BTBD10: variants seen among roughly 807,000 people sequenced by gnomAD.
BTBD10 encodes BTB domain containing 10.
A neutral mutation model predicts 53.2 loss-of-function variants in BTBD10; 21 were observed. That is an observed-to-expected ratio of 0.39 (90% CI 0.28 to 0.57). The LOEUF (loss-of-function observed/expected upper bound fraction) is 0.57. BTBD10 is among the 20% of genes least tolerant of loss of function. The pLI, the probability that BTBD10 is intolerant of heterozygous loss-of-function variation, is 0.53. For missense variants in BTBD10, 360 were observed against 594.7 expected, an observed-to-expected ratio of 0.61 and a Z score of 4.10; for synonymous variants, 149 against 192.7, an observed-to-expected ratio of 0.77 and a Z score of 1.88.
chr11:13,408,709 T>C (rs899942414), intron 6 of BTBD10, among the ~76,000 whole-genome samples: 12 of 152,188 alleles, frequency 7.9e-5, no homozygotes, highest in African/African-American at 2.9e-4. Flanking sequence ...CCACATTCAA[T>C]TGAAGAGGAA....
intron 2 of BTBD10, among the ~76,000 whole-genome samples, chr11:13,437,763 G>A (rs1565262361): frequency 6.6e-6 from 1 of 152,132 alleles, no homozygotes; most frequent in Non-Finnish European, 1.5e-5. Flanking sequence ...AGTCATAAAT[G>A]AGTCCTTTCC....
intron 2 of BTBD10, among the ~76,000 whole-genome samples, chr11:13,430,009 G>A (rs556505550): frequency 1.1e-3 from 163 of 152,060 alleles, no homozygotes; most frequent in Non-Finnish European, 2.0e-3. Flanking sequence ...GAGAGGCTGA[G>A]GTGGGAGTAT....
intron 4 of BTBD10, among the ~76,000 whole-genome samples, chr11:13,418,565 GATTT>G (rs1443999066): frequency 6.6e-6 from 1 of 151,944 alleles, no homozygotes; most frequent in Admixed American, 6.5e-5. Flanking sequence ...ATAGTTCAAA[GATTT>G]TTTTTCATGA....
At chr11:13,402,879 A>T (rs1200385646) in intron 8 of BTBD10, among the ~76,000 whole-genome samples, 1 of 152,170 alleles carries the variant, frequency 6.6e-6, no homozygotes, top group Non-Finnish European at 1.5e-5. Context: ...GTCCACACAC[A>T]CCACATGGGC....
At chr11:13,449,446 AG>A (rs750895764) in intron 1 of BTBD10, among the ~76,000 whole-genome samples, 6 of 152,122 alleles carry the variant, frequency 3.9e-5, no homozygotes, top group Admixed American at 2.0e-4. Flanking sequence ...GCACCAAGCA[AG>A]GTATATAAAA....
chr11:13,446,088 T>C (rs1950745525), intron 1 of BTBD10, among the ~76,000 whole-genome samples: 1 of 152,162 alleles, frequency 6.6e-6, no homozygotes, highest in African/African-American at 2.4e-5. Flanking sequence ...AAGTATTTGT[T>C]TGGAAATAGA....
chr11:13,440,245 G>A, intron 2 of BTBD10: 2 of 1,268,414 alleles, frequency 1.6e-6, no homozygotes, highest in South Asian at 1.6e-5. Flanking sequence ...CGTGGGTTGT[G>A]CAGCACTGAC....
At chr11:13,428,585 T>C (rs1401720953) in intron 2 of BTBD10, among the ~76,000 whole-genome samples, 2 of 151,548 alleles carry the variant, frequency 1.3e-5, no homozygotes, top group Admixed American at 1.3e-4. Flanking sequence ...TGGAAAAAAA[T>C]ATTACAAGAA....
At chr11:13,396,285 T>C (rs2135743035) in intron 8 of BTBD10, among the ~76,000 whole-genome samples, 1 of 152,340 alleles carries the variant, frequency 6.6e-6, no homozygotes, top group African/African-American at 2.4e-5. Flanking sequence ...CTAGGTATTT[T>C]ACTCTCTTTG....
intron 1 of BTBD10, among the ~76,000 whole-genome samples, chr11:13,456,533 C>G (rs1950971885): frequency 6.6e-6 from 1 of 152,148 alleles, no homozygotes; most frequent in Non-Finnish European, 1.5e-5. Context: ...AAAGCCTTTC[C>G]TATTTGCCTA....
At position 13,388,523 on chromosome 11, in the gene BTBD10, C is replaced by A; in HGVS notation, c.*308G>T. 4.0e-6 allele frequency: 1 copy of A among 248,952 alleles called. No individual in the cohort carries two copies. Among genetic ancestry groups the A allele is most frequent in the African/African-American group, 2.2e-5 (1 of 45,894 alleles). The allele number at this position is 248,952 out of a possible 1,614,324, so 15.4% of individuals were successfully genotyped here. ...GTCCAAACTGAAAGTACCCCAGCTG[C>A]CAATTTCCACCACTTCTGAAAAGAC... is the stretch of plus-strand genomic sequence containing the variant. On this transcript the variant is annotated 3_prime_UTR_variant, in exon 9 of 9. Coordinates refer to ENST00000278174, the MANE Select transcript of BTBD10 (RefSeq NM_032320.7).
chr11:13,460,145 G>A (rs564707478), intron 1 of BTBD10, among the ~76,000 whole-genome samples: 1 of 152,142 alleles, frequency 6.6e-6, no homozygotes, highest in Non-Finnish European at 1.5e-5. Flanking sequence ...AGATGACTGA[G>A]CTAAAATGAA....
chr11:13,399,449 TA>T (rs1471185093), intron 8 of BTBD10, among the ~76,000 whole-genome samples: 1 of 152,196 alleles, frequency 6.6e-6, no homozygotes, highest in Non-Finnish European at 1.5e-5. Context: ...GCCATTCGTC[TA>T]ATTTTTTTTC....
At chr11:13,395,327 T>A (rs1460725313) in intron 8 of BTBD10, among the ~76,000 whole-genome samples, 1 of 152,222 alleles carries the variant, frequency 6.6e-6, no homozygotes, top group Non-Finnish European at 1.5e-5. Flanking sequence ...GTTTTTTGGC[T>A]GCATAAATGT....
rs1226083147 is a variant in BTBD10 at position 13,409,389 on chromosome 11, CAG to C, written c.809-3535_809-3534del. 8.5e-5 allele frequency among the ~76,000 whole-genome samples: 13 copies of C among 152,124 alleles called. No individual in the cohort carries two copies. The East Asian group carries it at 2.5e-3, about 29-fold the overall frequency. Reference sequence around the variant, plus strand: ...CAATAGAGTGTACATTCCATTAGAACAGAAAGTTATGCCTGGTTTGTTCATAC... The same window carrying C: ...CAATAGAGTGTACATTCCATTAGAACAAAGTTATGCCTGGTTTGTTCATAC... On this transcript the variant is annotated intron_variant, in intron 6 of 8. Transcript: ENST00000278174.
rs1256878816 is a variant in BTBD10, at chr11:13,405,654, C to T, written c.1006+5G>A. 5 of 1,612,956 alleles carry T rather than the reference C, an allele frequency of 3.1e-6. No individual in the cohort carries two copies. The highest frequency in any genetic ancestry group is 1.6e-4 in the Middle Eastern group (1 of 6,068). On this transcript the variant is annotated splice_donor_5th_base_variant and intron_variant, in intron 7 of 8. Coordinates refer to ENST00000278174, the MANE Select transcript of BTBD10 (RefSeq NM_032320.7). ...AGGGGAGAGAAAACATGCCAGAGTA[C>T]GTACTTTGTGAATATTCTTCTCCCA...
chr11:13,403,299 A>G (rs757993306), intron 7 of BTBD10, 21 bp from the exon 8 acceptor site: 3 of 1,237,672 alleles, frequency 2.4e-6, no homozygotes, highest in African/African-American at 1.6e-5. Context: ...AAAGAAAAAT[A>G]TTATTGTATT....
intron 1 of BTBD10, among the ~76,000 whole-genome samples, chr11:13,448,264 C>T (rs1229802413): frequency 2.0e-5 from 3 of 152,152 alleles, no homozygotes; most frequent in African/African-American, 7.2e-5. Flanking sequence ...CACTTCTATT[C>T]AAGTTGTACT....
At chr11:13,422,904 G>C (rs1950270797) in intron 2 of BTBD10, among the ~76,000 whole-genome samples, 1 of 152,136 alleles carries the variant, frequency 6.6e-6, no homozygotes, top group East Asian at 1.9e-4. Flanking sequence ...TCAGGAGCTT[G>C]TTTTCTAAGT....
Sources: gnomAD v4.1 joint callset for allele counts (sites outside exome capture counted in the v4.1 genomes callset) on GRCh38, gnomAD v4.1.1 for gene constraint, MANE v1.5 for transcripts, NCBI Gene and HGNC (gene_info 2026-07-23, HGNC 2026-07-21) for gene names.